The following CTNNA2 variants were observed in gnomAD, a reference collection of about 807,000 sequenced individuals.
CTNNA2 encodes catenin alpha-2.
In CTNNA2, 42 loss-of-function variants were observed where a neutral mutation model predicts 101.0. The observed-to-expected ratio is 0.42, with a 90% CI of 0.32 to 0.54. The LOEUF (loss-of-function observed/expected upper bound fraction) is 0.54. CTNNA2 is among the 20% of genes least tolerant of loss of function. The probability of loss-of-function intolerance (pLI) is 0.14; values close to 1 mark genes in which losing one functional copy is unlikely to be tolerated. For synonymous variants in CTNNA2, 450 were observed against 456.4 expected (o/e 0.99, Z 0.18); for missense variants, 871 against 1,223.1 (o/e 0.71, Z 4.29).
At chr2:79,522,991 G>A (rs562479340) in intron 1 of CTNNA2, among the ~76,000 whole-genome samples, 14 of 152,154 alleles carry the variant, frequency 9.2e-5, no homozygotes, top group Non-Finnish European at 1.6e-4. Context: ...TGAACATTTG[G>A]TGAATTTCTT....
At chr2:79,853,759 C>G (rs1280555823) in intron 3 of CTNNA2, among the ~76,000 whole-genome samples, 1 of 151,580 alleles carries the variant, frequency 6.6e-6, no homozygotes, top group Non-Finnish European at 1.5e-5. Context: ...ACATTCACCT[C>G]CCGGGTTCAA....
intron 1 of CTNNA2, among the ~76,000 whole-genome samples, chr2:79,604,938 A>G (rs923167016): frequency 1.3e-5 from 2 of 152,234 alleles, no homozygotes; most frequent in African/African-American, 4.8e-5. Flanking sequence ...CAAAATAACC[A>G]GAACCTAACA....
At chr2:79,553,345 G>C (rs575666715) in intron 1 of CTNNA2, among the ~76,000 whole-genome samples, 1 of 152,214 alleles carries the variant, frequency 6.6e-6, no homozygotes, top group African/African-American at 2.4e-5. Context: ...CTTCTTCTGA[G>C]CCTGCCAAAC....
chr2:80,303,903 A>C lies in CTNNA2; in HGVS notation c.1057-89308A>C, dbSNP rs1160923023. The C allele has an allele frequency of 7.0e-7, 1 of 1,419,862 alleles. No individual in the cohort carries two copies. The highest frequency in any genetic ancestry group is 2.7e-5 in the Admixed American group (1 of 37,734). The allele number at this position is 1,419,862 out of a possible 1,614,324, so 88.0% of individuals were successfully genotyped here. A position where few individuals can be genotyped will look rare whatever the true frequency, so the allele number is the denominator to read the frequency against. On this transcript the variant is annotated intron_variant, in intron 7 of 18. Coordinates refer to ENST00000402739, the MANE Select transcript of CTNNA2 (RefSeq NM_001282597.3). The surrounding 1 kb of genome is among the most constrained non-coding windows in gnomAD (Gnocchi z 7.7). ...TCTACATCATATTTTATTCCGAGGG[A>C]GGGGAAGCGGGGGAGGGGGAGAAAA...
chr2:80,135,493 C>A (rs534899295), intron 7 of CTNNA2, among the ~76,000 whole-genome samples: 1 of 152,302 alleles, frequency 6.6e-6, no homozygotes, highest in Non-Finnish European at 1.5e-5. Flanking sequence ...GGAATCCTGC[C>A]TTACTGAGGT....
intron 18 of CTNNA2, among the ~76,000 whole-genome samples, chr2:80,629,466 G>C (rs1672045183): frequency 6.6e-6 from 1 of 152,146 alleles, no homozygotes; most frequent in Non-Finnish European, 1.5e-5. Context: ...TCTGAGAAGG[G>C]ATCAGGAATC....
chr2:79,994,347 T>G (rs111491536), intron 7 of CTNNA2, among the ~76,000 whole-genome samples: 3,447 of 152,308 alleles, frequency 0.023, 146 homozygotes, highest in African/African-American at 0.079. Context: ...AGTTGCGACA[T>G]AGTCAAATAA....
chr2:80,345,054 C>T (rs1265686784), intron 7 of CTNNA2, among the ~76,000 whole-genome samples: 10 of 152,168 alleles, frequency 6.6e-5, no homozygotes, highest in African/African-American at 1.9e-4. Flanking sequence ...TCCCTATATT[C>T]ACCTTTGCCA....
intron 1 of CTNNA2, among the ~76,000 whole-genome samples, chr2:79,535,568 T>A (rs1044847433): frequency 6.6e-6 from 1 of 152,118 alleles, no homozygotes; most frequent in Non-Finnish European, 1.5e-5. Context: ...ATGTAAAACT[T>A]GACATTTAAA....
intron 2 of CTNNA2, among the ~76,000 whole-genome samples, chr2:79,686,448 C>T (rs2104672622): frequency 6.6e-6 from 1 of 152,224 alleles, no homozygotes; most frequent in East Asian, 1.9e-4. Flanking sequence ...TTCATACAAA[C>T]TACTTAGCTG....
At chr2:79,396,778 A>G (rs2104476991) in intron 4 of CTNNA2, among the ~76,000 whole-genome samples, 1 of 152,268 alleles carries the variant, frequency 6.6e-6, no homozygotes, top group Middle Eastern at 3.4e-3. Flanking sequence ...CTCAATTAAT[A>G]AATGGAGAGA....
At chr2:80,316,886 T>C (rs1324477500) in intron 7 of CTNNA2, among the ~76,000 whole-genome samples, 1 of 152,104 alleles carries the variant, frequency 6.6e-6, no homozygotes, top group Non-Finnish European at 1.5e-5. Context: ...AATAGATTAA[T>C]AAGATAATTT....
intron 2 of CTNNA2, among the ~76,000 whole-genome samples, chr2:79,692,233 G>A (rs1301296015): frequency 2.0e-5 from 3 of 151,994 alleles, no homozygotes; most frequent in Non-Finnish European, 4.4e-5. Context: ...CCTTCTCAAA[G>A]GAAGACATTT....
intron 1 of CTNNA2, among the ~76,000 whole-genome samples, chr2:79,600,641 C>T (rs889323002): frequency 2.6e-5 from 4 of 152,136 alleles, no homozygotes; most frequent in African/African-American, 9.7e-5. Flanking sequence ...TTTCACTTTT[C>T]AGTTAAGAAA....
At position 80,559,567 on chromosome 2, in the gene CTNNA2, T is replaced by C. The variant is rs537684025; in HGVS notation, c.1741+3674T>C. ...CTTGATATGAATGCTGAATTAAATT[T>C]AAGAAAATTTTGTAGATTATTAGTA... On this transcript the variant is annotated intron_variant, in intron 12 of 18. Transcript: ENST00000402739. 2.6e-5 allele frequency among the ~76,000 whole-genome samples: 4 copies of C among 152,332 alleles called. No individual in the cohort carries two copies. The South Asian group carries it at 8.3e-4, about 32-fold the overall frequency.
intron 7 of CTNNA2, among the ~76,000 whole-genome samples, chr2:80,095,839 C>T (rs1394112355): frequency 3.3e-5 from 5 of 151,886 alleles, no homozygotes; most frequent in South Asian, 2.1e-4. Context: ...TCTGTGGGAT[C>T]GGTGGTGATA....
chr2:79,326,411 G>T (rs1358098346), intron 3 of CTNNA2, among the ~76,000 whole-genome samples: 1 of 151,994 alleles, frequency 6.6e-6, no homozygotes, highest in Non-Finnish European at 1.5e-5. Flanking sequence ...GACTGTTTGG[G>T]CTTATTTTAA....
intron 8 of CTNNA2, among the ~76,000 whole-genome samples, chr2:80,395,129 A>G (rs186196343): frequency 3.4e-4 from 52 of 152,300 alleles, no homozygotes; most frequent in Admixed American, 1.2e-3. Flanking sequence ...TTAGCAGAGG[A>G]CAGTGGTAAA....
chr2:80,075,621 T>G (rs1698653270), intron 7 of CTNNA2, among the ~76,000 whole-genome samples: 1 of 63,084 alleles, frequency 1.6e-5, no homozygotes, highest in Non-Finnish European at 3.0e-5. Flanking sequence ...TGTATAAATA[T>G]AAATATTTAT....
Sources: allele counts gnomAD v4.1 joint callset (sites outside exome capture counted in the v4.1 genomes callset), GRCh38; gene constraint gnomAD v4.1.1; non-coding constraint Gnocchi (gnomAD v3.1); transcripts MANE v1.5; gene names NCBI Gene and HGNC (gene_info 2026-07-23, HGNC 2026-07-21).